DPP10: variants seen among roughly 807,000 people sequenced by gnomAD.
DPP10 encodes the protein inactive dipeptidyl peptidase 10.
Under a neutral mutation model 120.9 loss-of-function variants are expected in DPP10, and 33 were observed. The ratio of observed to expected loss-of-function variants is 0.27; its 90% confidence interval spans 0.21 to 0.37. DPP10 has a LOEUF of 0.37. Among genes scored for constraint, DPP10 ranks in the 10% least tolerant of loss-of-function variants. DPP10 has a pLI of 1.00. For missense variants in DPP10, 816 were observed against 942.8 expected, an observed-to-expected ratio of 0.87 and a Z score of 1.76; for synonymous variants, 337 against 326.1, an observed-to-expected ratio of 1.03 and a Z score of -0.36.
At chr2:115,253,010 A>G (rs1348418661) in intron 1 of DPP10, among the ~76,000 whole-genome samples, 9 of 152,216 alleles carry the variant, frequency 5.9e-5, no homozygotes, top group Non-Finnish European at 1.5e-5. Flanking sequence ...GAGACTGGGT[A>G]ATTTATGAAG....
intron 4 of DPP10, among the ~76,000 whole-genome samples, chr2:115,515,579 A>C (rs1448155290): frequency 6.6e-6 from 1 of 152,096 alleles, no homozygotes; most frequent in Non-Finnish European, 1.5e-5. Context: ...ATTTTAAAAA[A>C]ATATTTGTAC....
chr2:114,849,235 C>T (rs545973458), intron 1 of DPP10, among the ~76,000 whole-genome samples: 2 of 152,122 alleles, frequency 1.3e-5, no homozygotes, highest in Non-Finnish European at 2.9e-5. Flanking sequence ...GAGTGGTGCC[C>T]CAGCCCTTGG....
chr2:115,434,454 G>A (rs1189816392), intron 3 of DPP10, among the ~76,000 whole-genome samples: 1 of 151,918 alleles, frequency 6.6e-6, no homozygotes, highest in Non-Finnish European at 1.5e-5. Context: ...GCAAAATAGG[G>A]TAACAGATGT....
chr2:114,449,507 G>C (rs1169995450), intron 1 of DPP10, among the ~76,000 whole-genome samples: 2 of 149,114 alleles, frequency 1.3e-5, no homozygotes, highest in East Asian at 3.9e-4. Flanking sequence ...GGGAAGAAAA[G>C]TAAAATGCAT....
intron 1 of DPP10, among the ~76,000 whole-genome samples, chr2:114,473,378 T>C (rs144669810): frequency 5.9e-5 from 9 of 152,344 alleles, no homozygotes; most frequent in African/African-American, 2.2e-4. Flanking sequence ...TTCTGCCTTG[T>C]AGACAAACTG....
At chr2:114,477,166 A>C (rs148856156) in intron 1 of DPP10, among the ~76,000 whole-genome samples, 1,690 of 151,794 alleles carry the variant, frequency 0.011, 35 homozygotes, top group African/African-American at 0.039. Context: ...ACCATGTTGG[A>C]CAGGCAGGTC....
intron 1 of DPP10, among the ~76,000 whole-genome samples, chr2:114,963,396 G>A (rs188565011): frequency 3.3e-4 from 50 of 152,252 alleles, no homozygotes; most frequent in African/African-American, 9.4e-4. Flanking sequence ...GAAAAAAAGC[G>A]TAATTTGCTG....
intron 1 of DPP10, among the ~76,000 whole-genome samples, chr2:115,240,625 C>G (rs986160954): frequency 4.6e-5 from 7 of 152,156 alleles, no homozygotes; most frequent in Non-Finnish European, 8.8e-5. Flanking sequence ...TGCAGAAGCT[C>G]TTTAGCGTCA....
chr2:114,748,400 TTTAAA>T, intron 1 of DPP10, among the ~76,000 whole-genome samples: 2 of 140,048 alleles, frequency 1.4e-5, no homozygotes, highest in African/African-American at 5.5e-5. Context: ...ATTTATTTAT[TTTAAA>T]TTTTTTTTTT....
chr2:114,829,643 C>T (rs1055686392), intron 1 of DPP10, among the ~76,000 whole-genome samples: 10 of 151,586 alleles, frequency 6.6e-5, no homozygotes, highest in African/African-American at 2.4e-4. Context: ...TCCCAAAGTG[C>T]TCGGATTACA....
chr2:114,954,788 C>T (rs1292354209), intron 1 of DPP10, among the ~76,000 whole-genome samples: 1 of 152,014 alleles, frequency 6.6e-6, no homozygotes, highest in Non-Finnish European at 1.5e-5. Context: ...GATACTACAG[C>T]TGAAACCACA....
chr2:115,327,712 G>T (rs772357921), intron 2 of DPP10, among the ~76,000 whole-genome samples: 2 of 151,934 alleles, frequency 1.3e-5, no homozygotes, highest in Non-Finnish European at 2.9e-5. Flanking sequence ...ATCATATTTC[G>T]TATGCACTGG....
chr2:115,279,126 G>T (rs1365182091), intron 1 of DPP10, among the ~76,000 whole-genome samples: 1 of 152,264 alleles, frequency 6.6e-6, no homozygotes. Context: ...TATGCCTTTA[G>T]GAAGCATGTA....
chr2:115,364,625 CTT>C (rs34256845), intron 3 of DPP10, among the ~76,000 whole-genome samples: 23 of 136,584 alleles, frequency 1.7e-4, no homozygotes, highest in African/African-American at 2.4e-4. Context: ...TCCCAGACAT[CTT>C]TTTTTTTTTT....
chr2:115,317,391 C>A (rs2061845771), intron 2 of DPP10, among the ~76,000 whole-genome samples: 1 of 152,196 alleles, frequency 6.6e-6, no homozygotes, highest in Non-Finnish European at 1.5e-5. Flanking sequence ...TGGCTCATAG[C>A]AATCCATTGT....
chr2:115,103,404 G>T (rs960223200), intron 1 of DPP10, among the ~76,000 whole-genome samples: 2 of 152,006 alleles, frequency 1.3e-5, no homozygotes, highest in Non-Finnish European at 2.9e-5. Flanking sequence ...TAGCCAGGAT[G>T]GCCGCGATCT....
intron 1 of DPP10, among the ~76,000 whole-genome samples, chr2:114,901,270 T>C (rs1252565012): frequency 6.6e-6 from 1 of 152,176 alleles, no homozygotes; most frequent in Non-Finnish European, 1.5e-5. Flanking sequence ...TGAACTCTGC[T>C]CACTGCAAGC....
intron 1 of DPP10, among the ~76,000 whole-genome samples, chr2:114,739,283 C>G (rs1204377505): frequency 6.6e-6 from 1 of 152,120 alleles, no homozygotes; most frequent in Non-Finnish European, 1.5e-5. Flanking sequence ...CTCTTAGGAA[C>G]AAGGCAAGCC....
intron 1 of DPP10, among the ~76,000 whole-genome samples, chr2:115,194,438 T>G (rs541701409): frequency 6.6e-6 from 1 of 152,146 alleles, no homozygotes; most frequent in South Asian, 2.1e-4. Flanking sequence ...TAAGGATTTT[T>G]GATAGGAAGG....
Sources: gnomAD v4.1 joint callset for allele counts (sites outside exome capture counted in the v4.1 genomes callset) on GRCh38, gnomAD v4.1.1 for gene constraint, MANE v1.5 for transcripts, NCBI Gene and HGNC (gene_info 2026-07-23, HGNC 2026-07-21) for gene names.